RALGPS1: variants seen among roughly 807,000 people sequenced by gnomAD.
The protein encoded by RALGPS1 is ras-specific guanine nucleotide-releasing factor RalGPS1.
In RALGPS1, 19 loss-of-function variants were observed where a neutral mutation model predicts 78.8. That is an observed-to-expected ratio of 0.24 (90% CI 0.17 to 0.35). The LOEUF (loss-of-function observed/expected upper bound fraction) is 0.35. Ranked by LOEUF, RALGPS1 falls within the 10% of genes least tolerant of loss-of-function variation. The pLI is 1.00. For synonymous variants in RALGPS1, 228 were observed against 256.3 expected, an observed-to-expected ratio of 0.89 and a Z score of 1.06; for missense variants, 454 against 688.3, an observed-to-expected ratio of 0.66 and a Z score of 3.81.
chr9:126,939,940 C>G (rs2036601929), intron 1 of RALGPS1, among the ~76,000 whole-genome samples: 1 of 152,222 alleles, frequency 6.6e-6, no homozygotes, highest in South Asian at 2.1e-4. Context: ...TCACTTCCTG[C>G]TCACCTAAGG....
intron 8 of RALGPS1, among the ~76,000 whole-genome samples, chr9:127,119,359 C>T (rs1244305078): frequency 6.6e-6 from 1 of 152,196 alleles, no homozygotes; most frequent in Non-Finnish European, 1.5e-5. Context: ...GCAACCAAAG[C>T]AGATGTGGCT....
intron 11 of RALGPS1, among the ~76,000 whole-genome samples, chr9:127,179,540 G>A (rs2060086920): frequency 6.6e-6 from 1 of 152,220 alleles, no homozygotes; most frequent in Non-Finnish European, 1.5e-5. Context: ...GCCCTTTCCA[G>A]TAGGCACATC....
chr9:126,977,675 T>C lies in RALGPS1; in HGVS notation c.166-20T>C, dbSNP rs752857277. The C allele has an allele frequency of 1.3e-6, 2 of 1,557,286 alleles. No individual in the cohort carries two copies. The highest frequency in any genetic ancestry group is 1.8e-6 in the Non-Finnish European group (2 of 1,136,924). On this transcript the variant is annotated intron_variant, in intron 3 of 18. Coordinates refer to ENST00000259351, the MANE Select transcript of RALGPS1 (RefSeq NM_014636.3). ...CTTTGATGTACAGTATTTTCTAAAA[T>C]TGATTCTCTTTTGTTGCAGAGCCAG...
chr9:126,940,247 G>A (rs1471428379), intron 1 of RALGPS1, among the ~76,000 whole-genome samples: 1 of 152,046 alleles, frequency 6.6e-6, no homozygotes, highest in Non-Finnish European at 1.5e-5. Context: ...ACATTCAGAT[G>A]TCGTGTTGGA....
At chr9:127,092,499 A>C (rs550841506) in intron 8 of RALGPS1, among the ~76,000 whole-genome samples, 1 of 152,086 alleles carries the variant, frequency 6.6e-6, no homozygotes, top group Non-Finnish European at 1.5e-5. Flanking sequence ...AGTTACGGCC[A>C]CTAAAGTCTT....
In RALGPS1 at chr9:127,043,542, G is replaced by A. The variant is rs1227128129; in HGVS notation, c.301-6501G>A. The stretch of plus-strand genomic sequence containing the variant: ...GTAGAAGAAAACCTGTATGACCTTG[G>A]ATTTGTTAATGAGTTATCAGATAAA... On this transcript the variant is annotated intron_variant, in intron 5 of 18. Transcript: ENST00000259351. 3.3e-5 allele frequency among the ~76,000 whole-genome samples: 5 copies of A among 152,240 alleles called. No homozygotes were observed. In the East Asian group the frequency reaches 9.6e-4, roughly 29 times the overall value.
intron 8 of RALGPS1, among the ~76,000 whole-genome samples, chr9:127,125,323 C>T (rs2056531097): frequency 6.6e-6 from 1 of 152,190 alleles, no homozygotes; most frequent in South Asian, 2.1e-4. Flanking sequence ...TTTCGTGTAG[C>T]CCAGTACAGA....
chr9:126,962,956 C>A (rs1048038457), intron 2 of RALGPS1, among the ~76,000 whole-genome samples: 1 of 152,196 alleles, frequency 6.6e-6, no homozygotes, highest in African/African-American at 2.4e-5. Context: ...GCCCACAAGG[C>A]CCTCCTCATT....
intron 5 of RALGPS1, among the ~76,000 whole-genome samples, chr9:127,038,386 C>T (rs1193121606): frequency 2.0e-5 from 3 of 152,142 alleles, no homozygotes; most frequent in African/African-American, 7.2e-5. Flanking sequence ...TGGTGAATTC[C>T]TCTGCTTAAG....
intron 8 of RALGPS1, among the ~76,000 whole-genome samples, chr9:127,071,035 C>A (rs867115548): frequency 8.2e-4 from 100 of 121,906 alleles, no homozygotes; most frequent in Middle Eastern, 8.0e-3. Flanking sequence ...CTCTCTCTCT[C>A]TCTCTATATA....
chr9:126,993,416 C>A (rs1012393075), intron 4 of RALGPS1, among the ~76,000 whole-genome samples: 6 of 151,978 alleles, frequency 3.9e-5, no homozygotes, highest in African/African-American at 1.5e-4. Context: ...GAGAAGTATT[C>A]CTTCCTTTTC....
At chr9:126,916,094 T>C (rs892281697) in intron 1 of RALGPS1, among the ~76,000 whole-genome samples, 1 of 152,224 alleles carries the variant, frequency 6.6e-6, no homozygotes, top group African/African-American at 2.4e-5. Flanking sequence ...AAACAGTGCC[T>C]ACTGAGCAAA....
chr9:127,212,138 G>A lies in RALGPS1; in HGVS notation c.1255G>A (p.Gly419Ser), dbSNP rs1002321850. 2.5e-6 allele frequency: 4 copies of A among 1,612,352 alleles called. No homozygotes were observed. The highest frequency in any genetic ancestry group is 1.1e-5 in the South Asian group (1 of 90,836). The change falls in exon 15 of 19, where the codon GGC becomes AGC. Residue 419 changes from glycine (G) to serine (S), a missense_variant. By Grantham distance (56) the Gly-to-Ser change is moderately conservative. Transcript: ENST00000259351. The surrounding 1 kb of genome is among the most constrained non-coding windows in gnomAD (Gnocchi z 6.0). ...CTGGTAGTCTCTCCTCAGCCCCACC[G>A]GCCCGTGCATCTGTTCTCTGGGGAA... is the stretch of plus-strand genomic sequence containing the variant. ...EMSSGLESPTGPCICSLGNSA... is the reference protein window; with the variant it reads ...EMSSGLESPTSPCICSLGNSA...
chr9:126,962,341 C>T lies in RALGPS1; in HGVS notation c.52C>T (p.Pro18Ser). 6.2e-7 allele frequency: 1 copy of T among 1,614,080 alleles called. No individual in the cohort carries two copies. Among genetic ancestry groups the T allele is most frequent in the Non-Finnish European group, 8.5e-7 (1 of 1,179,950 alleles). The stretch of plus-strand genomic sequence containing the variant: ...TAGCGTGTTGGTCACCTCTGCCACT[C>T]CACAGGTACTGAGGCTGCAAGAATC... Reference protein sequence around the residue: ...MASVLVTSATPQGSSSSDSLE... With the variant: ...MASVLVTSATSQGSSSSDSLE... Residue 18 changes from proline (P) to serine (S), a missense_variant, in exon 2 of 19, where the codon CCA becomes TCA. Coordinates refer to ENST00000259351, the MANE Select transcript of RALGPS1 (RefSeq NM_014636.3).
intron 5 of RALGPS1, among the ~76,000 whole-genome samples, chr9:127,044,405 C>T (rs561081100): frequency 1.2e-4 from 19 of 152,104 alleles, no homozygotes; most frequent in African/African-American, 4.1e-4. Context: ...TACAGGCATA[C>T]GCCACCATAC....
intron 8 of RALGPS1, among the ~76,000 whole-genome samples, chr9:127,093,147 A>G (rs1353987118): frequency 6.6e-6 from 1 of 152,132 alleles, no homozygotes; most frequent in Non-Finnish European, 1.5e-5. Flanking sequence ...CTTCCTTAGT[A>G]CTACCTCTGT....
At chr9:126,997,832 A>G (rs1204969597) in intron 4 of RALGPS1, among the ~76,000 whole-genome samples, 2 of 152,206 alleles carry the variant, frequency 1.3e-5, no homozygotes, top group Admixed American at 6.5e-5. Flanking sequence ...ATATGGACCA[A>G]TGGAACAGAA....
chr9:127,194,187 C>CA (rs1204977116), intron 11 of RALGPS1, among the ~76,000 whole-genome samples: 1 of 152,218 alleles, frequency 6.6e-6, no homozygotes, highest in African/African-American at 2.4e-5. Flanking sequence ...GGACTTCTGA[C>CA]CACCTGCAAG....
In RALGPS1 at chr9:127,219,274, TGAGC is replaced by T. The variant is rs1449013774; in HGVS notation, c.*509_*512del. 5.8e-6 allele frequency: 1 copy of T among 172,852 alleles called. No individual in the cohort carries two copies. The highest frequency in any genetic ancestry group is 1.2e-5 in the Non-Finnish European group (1 of 80,024). The allele number at this position is 172,852 out of a possible 1,614,324, so 10.7% of individuals were successfully genotyped here. ...CGTGCTGTACGTGTGTGTGTGTGTG[TGAGC>T]GAGTGTGAACTCTTCAAGAAACATG... On this transcript the variant is annotated 3_prime_UTR_variant, in exon 19 of 19. Coordinates refer to ENST00000259351, the MANE Select transcript of RALGPS1 (RefSeq NM_014636.3). This position sits in a 1 kb window ranked among gnomAD's most constrained non-coding sequence, Gnocchi z 5.0.
Sources: gnomAD v4.1 joint callset for allele counts (sites outside exome capture counted in the v4.1 genomes callset) on GRCh38, gnomAD v4.1.1 for gene constraint, Gnocchi (gnomAD v3.1) non-coding constraint, MANE v1.5 for transcripts, NCBI Gene and HGNC (gene_info 2026-07-23, HGNC 2026-07-21) for gene names.